AHNAK2: variants seen among roughly 807,000 people sequenced by gnomAD.
The protein encoded by AHNAK2 is AHNAK nucleoprotein 2, also known as protein AHNAK2.
In AHNAK2, 18 loss-of-function variants were observed where a neutral mutation model predicts 30.7. The observed-to-expected ratio is 0.59, with a 90% confidence interval of 0.41 to 0.87. AHNAK2 has a LOEUF of 0.87. AHNAK2 is among the 40% of genes least tolerant of loss of function. AHNAK2 has a pLI of 0.00. For missense variants in AHNAK2, 8,604 were observed against 7,373.0 expected, an observed-to-expected ratio of 1.17 and a Z score of -6.11; for synonymous variants, 3,590 against 3,073.8, an observed-to-expected ratio of 1.17 and a Z score of -5.56.
chr14:104,942,460 C>T lies in AHNAK2; in HGVS notation c.12991G>A (p.Asp4331Asn), dbSNP rs1291171818. 6.2e-7 allele frequency: 1 copy of T among 1,612,804 alleles called. No individual in the cohort carries two copies. The highest frequency in any genetic ancestry group is 1.3e-5 in the African/African-American group (1 of 74,612). ...CCCTGCATGGAGGGGAGGCTCACGTCAGCCTCCACCTTCAGCGCAGACACA... is the reference window on the plus strand; with the variant it reads ...CCCTGCATGGAGGGGAGGCTCACGTTAGCCTCCACCTTCAGCGCAGACACA... ...LDVSALKVEA[D>N]VSLPSMQGDL... Residue 4331 changes from aspartate to asparagine, a missense_variant, in exon 7 of 7, where the codon GAC becomes AAC. Coordinates refer to ENST00000333244, the MANE Select transcript of AHNAK2 (RefSeq NM_138420.4).
intron 1 of AHNAK2, among the ~76,000 whole-genome samples, chr14:104,965,823 C>G (rs1030720043): frequency 6.6e-6 from 1 of 152,220 alleles, no homozygotes. Context: ...GCTCCTCTGG[C>G]CAGTGTGCTG....
chr14:104,957,915 TC>T (rs988444607), intron 1 of AHNAK2, among the ~76,000 whole-genome samples: 161 of 152,064 alleles, frequency 1.1e-3, no homozygotes, highest in African/African-American at 3.5e-3. Flanking sequence ...ACAGATTTAG[TC>T]CAAGAAAGTG....
Position 104,946,204 on chromosome 14 carries a change from C to T in AHNAK2, c.9247G>A (p.Val3083Ile), listed in dbSNP as rs12433837. 652,519 of 1,211,760 alleles carry T rather than the reference C, an allele frequency of 0.54. 222,045 individuals carry two copies. Among genetic ancestry groups the T allele is most frequent in the Middle Eastern group, 0.68 (3,400 of 5,028 alleles). The allele number at this position is 1,211,760 out of a possible 1,614,324, so 75.1% of individuals were successfully genotyped here. The change falls in exon 7 of 7, where the codon GTC becomes ATC. Residue 3083 changes from valine to isoleucine, a missense_variant. Val to Ile is a conservative substitution (Grantham distance 29). Transcript: ENST00000333244. ...TTCAGGTCCAGCTTGGGGCCCTTGACATCTATCTGGGGTCCCTTGCGATCT... is the reference window on the plus strand; with the variant it reads ...TTCAGGTCCAGCTTGGGGCCCTTGATATCTATCTGGGGTCCCTTGCGATCT... ...KVDRKGPQID[V>I]KGPKLDLKGP... is the part of the protein sequence containing the mutation.
Position 104,948,607 on chromosome 14 carries a change from G to A in AHNAK2, c.6844C>T (p.Pro2282Ser), listed in dbSNP as rs755577642. The A allele has an allele frequency of 7.4e-6, 12 of 1,612,362 alleles. No individual in the cohort carries two copies. Among genetic ancestry groups the A allele is most frequent in the African/African-American group, 6.8e-5 (5 of 73,904 alleles). The change falls in exon 7 of 7, where the codon CCC becomes TCC. Residue 2282 changes from proline to serine, a missense_variant. Transcript: ENST00000333244. ...GCCTTGACGTCCACCTCCACGCTGG[G>A]CAGAGACACCTCCACATCAGGGGCT... ...VTAPDVEVSL[P>S]SVEVDVKAPG...
chr14:104,938,047 T>C lies in AHNAK2; in HGVS notation c.*16A>G, dbSNP rs1048257. On this transcript the variant is annotated 3_prime_UTR_variant, in exon 7 of 7. Transcript: ENST00000333244. The stretch of plus-strand genomic sequence containing the variant: ...TTAGTTTTTTGCATCTCTCTTGTAC[T>C]GATGAGCCATACCTCTCAGCCTTCA... 869,484 of 1,605,278 alleles carry C rather than the reference T, an allele frequency of 0.54. 238,294 individuals are homozygous for C. The highest frequency in any genetic ancestry group is 0.67 in the Middle Eastern group (4,047 of 6,016).
Position 104,945,736 on chromosome 14 carries a change from C to G in AHNAK2, c.9715G>C (p.Val3239Leu). The G allele has an allele frequency of 6.3e-7, 1 of 1,598,660 alleles. No individual in the cohort carries two copies. Among genetic ancestry groups the G allele is most frequent in the Non-Finnish European group, 8.5e-7 (1 of 1,171,410 alleles). Reference sequence around the variant, plus strand: ...TCTATCTGGGGGCCCTTGCGATCTACTTTGGGCATCTTGAAACTGGGCATC... The same window carrying G: ...TCTATCTGGGGGCCCTTGCGATCTAGTTTGGGCATCTTGAAACTGGGCATC... Reference protein sequence around the residue: ...LQMPSFKMPKVDRKGPQIDIK... With the variant: ...LQMPSFKMPKLDRKGPQIDIK... Residue 3239 changes from valine (V) to leucine (L), a missense_variant, in exon 7 of 7, where the codon GTA (valine) becomes CTA (leucine). Coordinates refer to ENST00000333244, the MANE Select transcript of AHNAK2 (RefSeq NM_138420.4).
chr14:104,942,841 C>G lies in AHNAK2; in HGVS notation c.12610G>C (p.Gly4204Arg), dbSNP rs1898057656. Residue 4204 changes from glycine to arginine, a missense_variant, in exon 7 of 7, where the codon GGC becomes CGC. Physicochemically the swap from Gly to Arg is moderately radical, Grantham distance 125. Coordinates refer to ENST00000333244, the MANE Select transcript of AHNAK2 (RefSeq NM_138420.4). The stretch of plus-strand genomic sequence containing the variant: ...AGGCCGGCTCCCTTGGGCAGGGGGC[C>G]CTCCGGGAGTTTCACGTCCACTTGG... ...AGQVDVKLPE[G>R]PLPKGAGLKG... 6.2e-7 allele frequency: 1 copy of G among 1,612,688 alleles called. No homozygotes were observed. The highest frequency in any genetic ancestry group is 8.5e-7 in the Non-Finnish European group (1 of 1,179,502).
At chr14:104,969,976 C>T (rs1178211406) in intron 1 of AHNAK2, among the ~76,000 whole-genome samples, 1 of 152,192 alleles carries the variant, frequency 6.6e-6, no homozygotes, top group African/African-American at 2.4e-5. Context: ...TCCACAGCCA[C>T]CCAGGGCCCC....
At position 104,941,997 on chromosome 14, in the gene AHNAK2, G is replaced by C. The variant is rs201711905; in HGVS notation, c.13454C>G (p.Ser4485Trp). 2 of 1,613,566 alleles carry C rather than the reference G, an allele frequency of 1.2e-6. No individual in the cohort carries two copies. Among genetic ancestry groups the C allele is most frequent in the East Asian group, 2.2e-5 (1 of 44,848 alleles). ...CATCTTTGGCGCAGACACATCCACC[G>C]AGACCTCGATGGACTTGCCTGGGGA... Reference protein sequence around the residue: ...MLSPGKSIEVSVDVSAPKMEA... With the variant: ...MLSPGKSIEVWVDVSAPKMEA... Residue 4485 changes from serine to tryptophan, a missense_variant, in exon 7 of 7, where the codon TCG (serine) becomes TGG (tryptophan). Ser to Trp is a radical substitution (Grantham distance 177). Coordinates refer to ENST00000333244, the MANE Select transcript of AHNAK2 (RefSeq NM_138420.4).
chr14:104,954,600 G>A lies in AHNAK2; in HGVS notation c.851C>T (p.Ala284Val). The A allele has an allele frequency of 6.2e-7, 1 of 1,610,766 alleles. No homozygotes were observed. Among genetic ancestry groups the A allele is most frequent in the Non-Finnish European group, 8.5e-7 (1 of 1,178,880 alleles). The change falls in exon 7 of 7, where the codon GCC (alanine) becomes GTC (valine). Residue 284 changes from alanine to valine, a missense_variant. Ala to Val is a moderately conservative substitution (Grantham distance 64). Transcript: ENST00000333244. This position sits in a 1 kb window ranked among gnomAD's most constrained non-coding sequence, Gnocchi z 4.3. The part of the protein sequence containing the change: ...GPQRSHSSSE[A>V]YEPRDAHDVS... ...GTCATGTGCGTCCCTAGGTTCGTAG[G>A]CCTCTGACGAGCTGTGTGACCTCTG... is the stretch of plus-strand genomic sequence containing the variant.
rs749064380 is a variant in AHNAK2 at position 104,948,122 on chromosome 14, C to T, written c.7329G>A (p.Glu2443=). ...CCACCTCCACGCTGGGCTGAGACACCTCCACGTCGGGGGCCATCACGTCCG... is the reference window on the plus strand; with the variant it reads ...CCACCTCCACGCTGGGCTGAGACACTTCCACGTCGGGGGCCATCACGTCCG... ...PKTDVMAPDV[E]VSQPSVEVDV... is the part of the protein sequence containing the mutation. Residue 2443 remains glutamate, a synonymous_variant, in exon 7 of 7, where the codon GAG becomes GAA. Coordinates refer to ENST00000333244, the MANE Select transcript of AHNAK2 (RefSeq NM_138420.4). 3.1e-6 allele frequency: 5 copies of T among 1,612,578 alleles called. No individual in the cohort carries two copies. The South Asian group carries it at 3.3e-5, about 11-fold the overall frequency.
chr14:104,940,527 AC>A lies in AHNAK2; in HGVS notation c.14923del (p.Val4975TrpfsTer16). 3.7e-6 allele frequency: 6 copies of A among 1,613,648 alleles called. No homozygotes were observed. The highest frequency in any genetic ancestry group is 5.1e-6 in the Non-Finnish European group (6 of 1,179,836). Reference sequence around the variant, plus strand: ...GTCCTCCACGCTGCATTCTGGGTCCACCTTTGGCCCTGTTTCCTTCTTCGGG... The same window carrying A: ...GTCCTCCACGCTGCATTCTGGGTCCACTTTGGCCCTGTTTCCTTCTTCGGG... ...WSPKKETGPK[V>X]DPECSVEDSK... On this transcript the variant is annotated frameshift_variant, in exon 7 of 7. Coordinates refer to ENST00000333244, the MANE Select transcript of AHNAK2 (RefSeq NM_138420.4). LOFTEE classifies it low-confidence loss of function (END_TRUNC). The surrounding 1 kb of genome is among the most constrained non-coding windows in gnomAD (Gnocchi z 4.4).
chr14:104,939,095 GT>G lies in AHNAK2; in HGVS notation c.16355del (p.Asn5452ThrfsTer31). 6 of 1,604,870 alleles carry G rather than the reference GT, an allele frequency of 3.7e-6. No homozygotes were observed. The highest frequency in any genetic ancestry group is 5.1e-6 in the Non-Finnish European group (6 of 1,175,676). ...GVPGEQPVDL[N>X]LPLEAPPISK... ...AAATTGGGGGAGCTTCCAAAGGCAG[GT>G]TAAGGTCCACAGGCTGCTCCCCAGG... On this transcript the variant is annotated frameshift_variant, in exon 7 of 7. Coordinates refer to ENST00000333244, the MANE Select transcript of AHNAK2 (RefSeq NM_138420.4). LOFTEE classifies it low-confidence loss of function (END_TRUNC).
Position 104,938,904 on chromosome 14 carries a change from T to C in AHNAK2, c.16547A>G (p.Tyr5516Cys). ...IPTSEIQTPS[Y>C]GFSLLKVKIP... ...TTTCACTTTTAATAAGGAAAATCCG[T>C]ACGAAGGTGTTTGAATCTCTGACGT... Residue 5516 changes from tyrosine to cysteine, a missense_variant, in exon 7 of 7, where the codon TAC (tyrosine) becomes TGC (cysteine). Tyr to Cys is a radical substitution (Grantham distance 194). Transcript: ENST00000333244. 1.2e-6 allele frequency: 2 copies of C among 1,613,720 alleles called. No homozygotes were observed. Among genetic ancestry groups the C allele is most frequent in the Non-Finnish European group, 1.7e-6 (2 of 1,179,866 alleles).
rs748033982 is a variant in AHNAK2, at chr14:104,940,559, C to A, written c.14892G>T (p.Arg4964Ser). The A allele has an allele frequency of 6.2e-7, 1 of 1,613,624 alleles. No homozygotes were observed. Among genetic ancestry groups the A allele is most frequent in the Non-Finnish European group, 8.5e-7 (1 of 1,179,850 alleles). Reference protein sequence around the residue: ...KMPKIKLPSFRWSPKKETGPK... With the variant: ...KMPKIKLPSFSWSPKKETGPK... ...GCCCTGTTTCCTTCTTCGGGGACCA[C>A]CTAAATGATGGAAGCTTAATCTTAG... The change falls in exon 7 of 7, where the codon AGG (arginine) becomes AGT (serine). Residue 4964 changes from arginine to serine, a missense_variant. Physicochemically the swap from Arg to Ser is moderately radical, Grantham distance 110. Transcript: ENST00000333244. This position sits in a 1 kb window ranked among gnomAD's most constrained non-coding sequence, Gnocchi z 4.4.
In AHNAK2 at chr14:104,943,598, C is replaced by T. The variant is rs1371010860; in HGVS notation, c.11853G>A (p.Glu3951=). 1 of 1,613,424 alleles carries T rather than the reference C, an allele frequency of 6.2e-7. No homozygotes were observed. Among genetic ancestry groups the T allele is most frequent in the African/African-American group, 1.3e-5 (1 of 74,900 alleles). Reference sequence around the variant, plus strand: ...CCTTGTCGGCCAGGGACAGGTCCCCCTCCAGCCGCGCACCATCCAGCTTGG... The same window carrying T: ...CCTTGTCGGCCAGGGACAGGTCCCCTTCCAGCCGCGCACCATCCAGCTTGG... ...PGAKLDGARL[E]GDLSLADKDM... Residue 3951 remains glutamate, a synonymous_variant, in exon 7 of 7, where the codon GAG becomes GAA. Coordinates refer to ENST00000333244, the MANE Select transcript of AHNAK2 (RefSeq NM_138420.4).
rs1206678098 is a variant in AHNAK2, at chr14:104,940,630, A to C, written c.14821T>G (p.Ser4941Ala). ...TTCCCTTCGTGGTCAGCATCTTCAG[A>C]AGGGGCTTCTCCAGGGGCCACTACT... ...TSVVAPGEAPSEDADHEGKGS... is the reference protein window; with the variant it reads ...TSVVAPGEAPAEDADHEGKGS... Residue 4941 changes from serine (S) to alanine (A), a missense_variant, in exon 7 of 7, where the codon TCT (serine) becomes GCT (alanine). Ser to Ala is a moderately conservative substitution (Grantham distance 99). Transcript: ENST00000333244. The surrounding 1 kb of genome is among the most constrained non-coding windows in gnomAD (Gnocchi z 4.4). The C allele has an allele frequency of 1.2e-6, 2 of 1,613,610 alleles. No homozygotes were observed. Among genetic ancestry groups the C allele is most frequent in the Non-Finnish European group, 8.5e-7 (1 of 1,179,874 alleles).
In AHNAK2 at chr14:104,955,102, A is replaced by C; in HGVS notation, c.506T>G (p.Ile169Arg). The C allele has an allele frequency of 6.2e-7, 1 of 1,613,090 alleles. No homozygotes were observed. Among genetic ancestry groups the C allele is most frequent in the Non-Finnish European group, 8.5e-7 (1 of 1,179,842 alleles). The part of the protein sequence containing the change: ...LLSTTVFFEN[I>R]KYEDALKILQ... The stretch of plus-strand genomic sequence containing the variant: ...GATTTTGAGAGCATCTTCATATTTT[A>C]TGTTTTCAAAGAACACGGTTGTACT... Residue 169 changes from isoleucine to arginine, a missense_variant, in exon 6 of 7, where the codon ATA (isoleucine) becomes AGA (arginine). By Grantham distance (97) the Ile-to-Arg change is moderately conservative. Transcript: ENST00000333244.
Position 104,954,282 on chromosome 14 carries a change from G to A in AHNAK2, c.1169C>T (p.Ala390Val). 1 of 1,613,484 alleles carries A rather than the reference G, an allele frequency of 6.2e-7. No homozygotes were observed. The highest frequency in any genetic ancestry group is 8.5e-7 in the Non-Finnish European group (1 of 1,179,890). The change falls in exon 7 of 7, where the codon GCT becomes GTT. Residue 390 changes from alanine (A) to valine (V), a missense_variant. Transcript: ENST00000333244. This position sits in a 1 kb window ranked among gnomAD's most constrained non-coding sequence, Gnocchi z 4.3. ...CTCTGTGGGCAATGGCATGCTCTGA[G>A]CAGGCATCACTTCTCGATCCTGTTC... is the stretch of plus-strand genomic sequence containing the variant. ...RAEQDREVMP[A>V]QSMPLPTELG...
Sources: allele counts gnomAD v4.1 joint callset (sites outside exome capture counted in the v4.1 genomes callset), GRCh38; gene constraint gnomAD v4.1.1; non-coding constraint Gnocchi (gnomAD v3.1); transcripts MANE v1.5; gene names NCBI Gene and HGNC (gene_info 2026-07-23, HGNC 2026-07-21).